TSPEAR: variants seen among roughly 807,000 people sequenced by gnomAD.
TSPEAR encodes the protein thrombospondin-type laminin G domain and EAR repeat-containing protein.
In TSPEAR, 69 loss-of-function variants were observed where a neutral mutation model predicts 71.6. The observed-to-expected ratio is 0.96, with a 90% confidence interval of 0.79 to 1.18. TSPEAR has a LOEUF of 1.18. Ranked by LOEUF, TSPEAR falls within the 50% of genes most tolerant of loss-of-function variation. TSPEAR has a pLI of 0.00. For missense variants in TSPEAR, 971 were observed against 894.9 expected (o/e 1.09, Z -1.09); for synonymous variants, 402 against 387.2 (o/e 1.04, Z -0.45).
At chr21:44,567,382 C>T (rs1555921871) in intron 2 of TSPEAR, among the ~76,000 whole-genome samples, 1 of 152,214 alleles carries the variant, frequency 6.6e-6, no homozygotes, top group Non-Finnish European at 1.5e-5. Flanking sequence ...CTGTCTTCAC[C>T]TTCCAAACTA....
chr21:44,678,156 G>A lies in TSPEAR; in HGVS notation c.82+33277C>T, dbSNP rs587754395. On this transcript the variant is annotated intron_variant, in intron 1 of 11. Transcript: ENST00000323084. Reference sequence around the variant, plus strand: ...GCGGCACGAGTAAGTGGAGGCATGTGTACATATGTCAAGGATGCCTATTTT... The same window carrying A: ...GCGGCACGAGTAAGTGGAGGCATGTATACATATGTCAAGGATGCCTATTTT... The A allele has an allele frequency of 4.1e-5, 22 of 539,422 alleles. No individual in the cohort carries two copies. In the South Asian group the frequency reaches 4.5e-4, roughly 11 times the overall value. 33.4% of individuals were successfully genotyped at this position (539,422 alleles called of 1,614,324 possible).
At chr21:44,648,286 G>A (rs782236411) in intron 1 of TSPEAR, among the ~76,000 whole-genome samples, 3 of 152,168 alleles carry the variant, frequency 2.0e-5, no homozygotes, top group Non-Finnish European at 4.4e-5. Flanking sequence ...GCACTGGAGA[G>A]TGAAGAGGGC....
At chr21:44,517,373 C>T (rs2052608248) in intron 9 of TSPEAR, 1 of 178,482 alleles carries the variant, frequency 5.6e-6, no homozygotes, top group African/African-American at 2.4e-5. Context: ...GGTCATATGA[C>T]CAGCACTAGC....
chr21:44,692,690 A>G (rs1372719181), intron 1 of TSPEAR, among the ~76,000 whole-genome samples: 1 of 152,208 alleles, frequency 6.6e-6, no homozygotes, highest in Non-Finnish European at 1.5e-5. Flanking sequence ...ACTGTAAAAC[A>G]TTGCTGAAAG....
chr21:44,709,723 C>T (rs907473266), intron 1 of TSPEAR, among the ~76,000 whole-genome samples: 2 of 152,254 alleles, frequency 1.3e-5, no homozygotes, highest in African/African-American at 4.8e-5. Context: ...CCCCAGCCAG[C>T]GGGGCCCACG....
chr21:44,697,036 TCCCTCCCTCCTGC>T, intron 1 of TSPEAR: 3 of 1,021,612 alleles, frequency 2.9e-6, no homozygotes, highest in Non-Finnish European at 4.1e-6. Context: ...GCTCACTCAC[TCCCTCCCTCCTGC>T]CCATCCAGCA....
At position 44,506,054 on chromosome 21, in the gene TSPEAR, C is replaced by T. The variant is rs587702348; in HGVS notation, c.1755-1173G>A. Among the ~76,000 whole-genome samples, 72 of 152,282 alleles carry T rather than the reference C, an allele frequency of 4.7e-4. No individual in the cohort carries two copies. Among genetic ancestry groups the T allele is most frequent in the Non-Finnish European group, 9.1e-4 (62 of 68,020 alleles). ...ATTGTGTCTTCAGCTGTGAGGTCAG[C>T]GGCCGTGAGGTCACTCCAGGAGGTG... On this transcript the variant is annotated intron_variant, in intron 10 of 11. Coordinates refer to ENST00000323084, the MANE Select transcript of TSPEAR (RefSeq NM_144991.3). This position sits in a 1 kb window ranked among gnomAD's most constrained non-coding sequence, Gnocchi z 4.2.
intron 1 of TSPEAR, chr21:44,697,935 G>A (rs782150424): frequency 6.2e-5 from 100 of 1,610,588 alleles, no homozygotes; most frequent in Non-Finnish European, 8.4e-5. Flanking sequence ...CGCCTGGCCT[G>A]CTGAGGCCTC....
rs993609908 is a variant in TSPEAR at position 44,528,693 on chromosome 21, G to A, written c.791-110C>T. On this transcript the variant is annotated intron_variant, in intron 5 of 11. Coordinates refer to ENST00000323084, the MANE Select transcript of TSPEAR (RefSeq NM_144991.3). ...CTGCCCTGCCTCAGCCTCTGCATGC[G>A]GGCCTGGAAGGGCCCCTGCAGGCAC... The A allele has an allele frequency of 1.2e-5, 17 of 1,370,498 alleles. No homozygotes were observed. In the East Asian group the frequency reaches 2.2e-4, roughly 18 times the overall value. 84.9% of individuals were successfully genotyped at this position (1,370,498 alleles called of 1,614,324 possible).
intron 1 of TSPEAR, chr21:44,676,985 C>G (rs1344366605): frequency 2.2e-6 from 2 of 929,958 alleles, no homozygotes; most frequent in Non-Finnish European, 3.6e-6. Context: ...ACGCTCATTC[C>G]TTTCCACCCA....
At chr21:44,648,792 C>T (rs1555940795) in intron 1 of TSPEAR, among the ~76,000 whole-genome samples, 4 of 152,206 alleles carry the variant, frequency 2.6e-5, no homozygotes, top group African/African-American at 9.6e-5. Flanking sequence ...TTGTGACACC[C>T]GGGCCCCTGT....
intron 1 of TSPEAR, among the ~76,000 whole-genome samples, chr21:44,572,909 G>A (rs780299938): frequency 8.6e-5 from 13 of 150,372 alleles, no homozygotes; most frequent in Middle Eastern, 3.4e-3. Flanking sequence ...TGAAGATAAA[G>A]GCAGAGCTCA....
At chr21:44,708,038 CA>C (rs58138893) in intron 1 of TSPEAR, among the ~76,000 whole-genome samples, 1 of 133,064 alleles carries the variant, frequency 7.5e-6, no homozygotes, top group Non-Finnish European at 1.6e-5. Flanking sequence ...CACACACACA[CA>C]CACACACCAC....
At chr21:44,543,493 C>G (rs782581594) in intron 2 of TSPEAR, among the ~76,000 whole-genome samples, 4 of 152,110 alleles carry the variant, frequency 2.6e-5, no homozygotes, top group Non-Finnish European at 5.9e-5. Flanking sequence ...TCATTCCTCC[C>G]CAAAGGTTGT....
chr21:44,650,766 TGGGGCTG>T (rs1353698256), intron 1 of TSPEAR, among the ~76,000 whole-genome samples: 2 of 151,858 alleles, frequency 1.3e-5, no homozygotes, highest in African/African-American at 4.8e-5. Flanking sequence ...TCCAGGGAAA[TGGGGCTG>T]GGGGCTGGGA....
chr21:44,540,054 C>T lies in TSPEAR; in HGVS notation c.304-6131G>A, dbSNP rs782205780. On this transcript the variant is annotated intron_variant, in intron 2 of 11. Coordinates refer to ENST00000323084, the MANE Select transcript of TSPEAR (RefSeq NM_144991.3). ...GGGGCCGGGGCGCAGCAGCTGAGGG[C>T]GCAGCAGTGGGGCTCACAGCAGCTC... 3.2e-5 allele frequency: 52 copies of T among 1,613,068 alleles called. No individual in the cohort carries two copies. Among genetic ancestry groups the T allele is most frequent in the East Asian group, 2.2e-4 (10 of 44,886 alleles).
chr21:44,508,604 C>G (rs1049274947), intron 10 of TSPEAR: 1 of 1,181,282 alleles, frequency 8.5e-7, no homozygotes. Flanking sequence ...TGCCCACTGT[C>G]CAAAATGTGG....
intron 1 of TSPEAR, among the ~76,000 whole-genome samples, chr21:44,602,793 G>A (rs1056192194): frequency 2.8e-4 from 42 of 152,280 alleles, no homozygotes; most frequent in Admixed American, 7.8e-4. Flanking sequence ...CCCACCCCAG[G>A]AGAGGCCTCC....
At chr21:44,557,983 G>T in intron 2 of TSPEAR, 2 of 1,549,906 alleles carry the variant, frequency 1.3e-6, no homozygotes, top group Non-Finnish European at 1.7e-6. Flanking sequence ...ACAGGGCTCA[G>T]GGCTGCAAGG....
Sources: allele counts gnomAD v4.1 joint callset (sites outside exome capture counted in the v4.1 genomes callset), GRCh38; gene constraint gnomAD v4.1.1; non-coding constraint Gnocchi (gnomAD v3.1); transcripts MANE v1.5; gene names NCBI Gene and HGNC (gene_info 2026-07-23, HGNC 2026-07-21).